RARB: variants seen among roughly 807,000 people sequenced by gnomAD.
RARB encodes the protein retinoic acid receptor beta.
In RARB, 17 loss-of-function variants were observed where a neutral mutation model predicts 51.9. The observed-to-expected ratio is 0.33, with a 90% CI of 0.22 to 0.49. The LOEUF (loss-of-function observed/expected upper bound fraction) is 0.49. Ranked by LOEUF, RARB falls within the 20% of genes least tolerant of loss-of-function variation. RARB has a pLI of 0.99. For missense variants in RARB, 369 were observed against 550.8 expected (o/e 0.67, Z 3.30); for synonymous variants, 215 against 195.4 (o/e 1.10, Z -0.84).
intron 4 of RARB, among the ~76,000 whole-genome samples, chr3:25,148,439 T>C (rs1700229263): frequency 6.6e-6 from 1 of 152,260 alleles, no homozygotes; most frequent in South Asian, 2.1e-4. Context: ...ATTGAATCAG[T>C]GAATGTATAT....
At chr3:25,164,003 G>A (rs1700520393) in intron 4 of RARB, among the ~76,000 whole-genome samples, 1 of 152,136 alleles carries the variant, frequency 6.6e-6, no homozygotes, top group South Asian at 2.1e-4. Flanking sequence ...TTGGTATGGT[G>A]GACAAAGAAC....
intron 5 of RARB, among the ~76,000 whole-genome samples, chr3:25,235,777 T>G (rs989629491): frequency 3.3e-5 from 5 of 152,174 alleles, no homozygotes; most frequent in African/African-American, 1.2e-4. Flanking sequence ...AACCCCTTCT[T>G]TGACTATTAC....
chr3:24,864,135 C>T (rs967337663), intron 2 of RARB, among the ~76,000 whole-genome samples: 13 of 152,168 alleles, frequency 8.5e-5, no homozygotes, highest in Non-Finnish European at 1.8e-4. Context: ...CTTGTTTCAC[C>T]CATAACACTG....
chr3:25,212,276 C>T (rs1701717315), intron 5 of RARB, among the ~76,000 whole-genome samples: 1 of 152,110 alleles, frequency 6.6e-6, no homozygotes, highest in Admixed American at 6.5e-5. Flanking sequence ...CTAAATTGAG[C>T]ATCAATAATT....
intron 2 of RARB, among the ~76,000 whole-genome samples, chr3:25,010,810 C>G (rs1427793835): frequency 6.6e-6 from 1 of 152,126 alleles, no homozygotes; most frequent in South Asian, 2.1e-4. Flanking sequence ...GAATTAACCA[C>G]TCCTCCTTTT....
intron 5 of RARB, 57 bp from the exon 6 acceptor site, chr3:25,593,446 T>C: frequency 3.4e-6 from 5 of 1,480,188 alleles, no homozygotes; most frequent in Middle Eastern, 1.7e-4. Context: ...TTACATCTGA[T>C]TGATGATTTC....
chr3:25,588,521 G>A (rs916322377), intron 5 of RARB, among the ~76,000 whole-genome samples: 1 of 152,152 alleles, frequency 6.6e-6, no homozygotes, highest in African/African-American at 2.4e-5. Flanking sequence ...CTATTGCAGT[G>A]TAACAAAATA....
intron 3 of RARB, among the ~76,000 whole-genome samples, chr3:25,521,596 C>T (rs1237487358): frequency 6.6e-6 from 1 of 151,566 alleles, no homozygotes; most frequent in Admixed American, 6.6e-5. Flanking sequence ...AATGAATATA[C>T]AGTATCCACC....
upstream of RARB, among the ~76,000 whole-genome samples, chr3:25,426,371 A>G (rs181537978): frequency 1.3e-5 from 2 of 152,374 alleles, no homozygotes; most frequent in East Asian, 3.9e-4. Flanking sequence ...ACTTTTCAAT[A>G]GCAAGAACTG....
intron 3 of RARB, among the ~76,000 whole-genome samples, chr3:25,111,837 A>C (rs927392929): frequency 1.7e-4 from 26 of 152,088 alleles, no homozygotes; most frequent in Admixed American, 3.9e-4. Context: ...TCAGCCCCCA[A>C]AGTGCTGGGA....
At chr3:25,264,518 A>C (rs1433407179) in intron 5 of RARB, among the ~76,000 whole-genome samples, 1 of 152,190 alleles carries the variant, frequency 6.6e-6, no homozygotes, top group African/African-American at 2.4e-5. Flanking sequence ...TCTTAAGATT[A>C]ACTTATTCTT....
intron 2 of RARB, among the ~76,000 whole-genome samples, chr3:24,938,993 T>TTGTTG (rs1559403953): frequency 3.0e-5 from 3 of 101,114 alleles, no homozygotes; most frequent in African/African-American, 1.2e-4. Context: ...TGTTGTTGTT[T>TTGTTG]TTTTTTTTAG....
At chr3:24,875,091 C>T (rs112703900) in intron 2 of RARB, among the ~76,000 whole-genome samples, 1 of 151,992 alleles carries the variant, frequency 6.6e-6, no homozygotes, top group South Asian at 2.1e-4. Context: ...TTGGTTCTAT[C>T]TTTTTCTAAT....
chr3:25,042,672 C>T (rs1387869939), intron 2 of RARB, among the ~76,000 whole-genome samples: 1 of 152,198 alleles, frequency 6.6e-6, no homozygotes, highest in Non-Finnish European at 1.5e-5. Context: ...ATACTTAACA[C>T]ACTTATAACG....
intron 5 of RARB, among the ~76,000 whole-genome samples, chr3:25,378,611 G>C (rs79675912): frequency 6.6e-5 from 10 of 151,964 alleles, no homozygotes; most frequent in Non-Finnish European, 1.2e-4. Flanking sequence ...AACCCAACAC[G>C]GTTTTAATTT....
At chr3:25,443,353 A>G (rs1175355896) in intron 1 of RARB, among the ~76,000 whole-genome samples, 1 of 152,100 alleles carries the variant, frequency 6.6e-6, no homozygotes, top group Non-Finnish European at 1.5e-5. Context: ...GGTCACAGAA[A>G]TAGATTTTCT....
At chr3:25,376,774 T>C (rs1360838173) in intron 5 of RARB, among the ~76,000 whole-genome samples, 1 of 152,188 alleles carries the variant, frequency 6.6e-6, no homozygotes, top group Non-Finnish European at 1.5e-5. Context: ...CCCACACCCC[T>C]GGTGGAAGCA....
intron 3 of RARB, among the ~76,000 whole-genome samples, chr3:25,109,743 G>A (rs1408306543): frequency 1.3e-5 from 2 of 152,090 alleles, no homozygotes; most frequent in Admixed American, 6.5e-5. Flanking sequence ...TGAGCGTTAC[G>A]TCAGCCATGC....
chr3:24,892,572 A>G (rs1703406626), intron 2 of RARB, among the ~76,000 whole-genome samples: 1 of 152,216 alleles, frequency 6.6e-6, no homozygotes, highest in African/African-American at 2.4e-5. Flanking sequence ...TTTTATAAAG[A>G]GAATGGCCAA....
Sources: gnomAD v4.1 joint callset for allele counts (sites outside exome capture counted in the v4.1 genomes callset) on GRCh38, gnomAD v4.1.1 for gene constraint, MANE v1.5 for transcripts, NCBI Gene and HGNC (gene_info 2026-07-23, HGNC 2026-07-21) for gene names.